The following RAPGEF5 variants were observed in gnomAD, a reference collection of about 807,000 sequenced individuals.
RAPGEF5 encodes M-Ras-regulated GEF.
In RAPGEF5, 65 loss-of-function variants were observed where a neutral mutation model predicts 125.2. The observed-to-expected ratio is 0.52, with a 90% CI of 0.43 to 0.64. The LOEUF (loss-of-function observed/expected upper bound fraction) is 0.64. Ranked by LOEUF, RAPGEF5 falls within the 30% of genes least tolerant of loss-of-function variation. RAPGEF5 has a pLI of 0.00. For synonymous variants in RAPGEF5, 391 were observed against 385.9 expected, an observed-to-expected ratio of 1.01 and a Z score of -0.16; for missense variants, 958 against 1,048.1, an observed-to-expected ratio of 0.91 and a Z score of 1.19.
rs1784042387 is a variant in RAPGEF5, at chr7:22,162,624, G to A, written c.1284-83C>T. 3 of 1,296,686 alleles carry A rather than the reference G, an allele frequency of 2.3e-6. No homozygotes were observed. In the East Asian group the frequency reaches 7.4e-5, roughly 32 times the overall value. 80.3% of individuals were successfully genotyped at this position (1,296,686 alleles called of 1,614,324 possible). On this transcript the variant is annotated intron_variant, in intron 12 of 25. Coordinates refer to ENST00000665637, the MANE Select transcript of RAPGEF5 (RefSeq NM_012294.5). ...ATTTACTCTTATTTTTACAAAATAT[G>A]TGAAGGCATACAAGTGTATAAACAT...
chr7:22,251,978 T>C (rs1417752431), intron 7 of RAPGEF5, among the ~76,000 whole-genome samples: 1 of 152,146 alleles, frequency 6.6e-6, no homozygotes, highest in East Asian at 1.9e-4. Flanking sequence ...ATTGGATTTA[T>C]GCACAGGGTA....
chr7:22,143,187 T>C (rs893551450), intron 20 of RAPGEF5, among the ~76,000 whole-genome samples: 1 of 152,262 alleles, frequency 6.6e-6, no homozygotes, highest in Non-Finnish European at 1.5e-5. Context: ...TGGAACACAA[T>C]GGCCAAATTT....
At chr7:22,185,255 A>C (rs1428058286) in intron 11 of RAPGEF5, among the ~76,000 whole-genome samples, 1 of 152,220 alleles carries the variant, frequency 6.6e-6, no homozygotes, top group Non-Finnish European at 1.5e-5. Context: ...TTCTATGTCC[A>C]TTAAATGGGG....
At position 22,167,246 on chromosome 7, in the gene RAPGEF5, A is replaced by G. The variant is rs1200048772; in HGVS notation, c.1205-98T>C. 1.4e-5 allele frequency: 12 copies of G among 833,064 alleles called. No individual in the cohort carries two copies. The African/African-American group carries it at 2.1e-4, about 14-fold the overall frequency. 51.6% of individuals were successfully genotyped at this position (833,064 alleles called of 1,614,324 possible). On this transcript the variant is annotated intron_variant, in intron 11 of 25. Transcript: ENST00000665637. Reference sequence around the variant, plus strand: ...CCAGAACCATGTGCATGGCAGAAATATGATAAATATTGATAGCTGTGGGAG... The same window carrying G: ...CCAGAACCATGTGCATGGCAGAAATGTGATAAATATTGATAGCTGTGGGAG...
intron 8 of RAPGEF5, among the ~76,000 whole-genome samples, chr7:22,223,895 A>C (rs1267140127): frequency 6.6e-6 from 1 of 152,238 alleles, no homozygotes; most frequent in Non-Finnish European, 1.5e-5. Context: ...CTTAGGTTAC[A>C]AGCACTGGCA....
chr7:22,309,150 C>T (rs1783413001), intron 4 of RAPGEF5, among the ~76,000 whole-genome samples: 1 of 152,184 alleles, frequency 6.6e-6, no homozygotes, highest in Non-Finnish European at 1.5e-5. Flanking sequence ...GGTATTAGTA[C>T]AAAATGTTTT....
chr7:22,136,807 ATACAAG>A, intron 22 of RAPGEF5, 120 bp downstream of exon 22: 1 of 780,110 alleles, frequency 1.3e-6, no homozygotes, highest in Non-Finnish European at 2.1e-6. Context: ...ACAGTTTCAT[ATACAAG>A]TAAACTAGTC....
At chr7:22,250,958 T>G (rs1786603715) in intron 7 of RAPGEF5, among the ~76,000 whole-genome samples, 1 of 152,122 alleles carries the variant, frequency 6.6e-6, no homozygotes, top group South Asian at 2.1e-4. Flanking sequence ...AGGAGTCAAA[T>G]TTCCTGGCCA....
chr7:22,264,389 CAAAT>C (rs961594921), intron 7 of RAPGEF5, among the ~76,000 whole-genome samples: 18 of 152,280 alleles, frequency 1.2e-4, no homozygotes, highest in East Asian at 9.6e-4. Flanking sequence ...CTCCATTGAT[CAAAT>C]AAGTAAGGAA....
At chr7:22,157,060 G>A (rs1783833879) in intron 15 of RAPGEF5, among the ~76,000 whole-genome samples, 172 bp from the exon 16 acceptor site, 1 of 152,144 alleles carries the variant, frequency 6.6e-6, no homozygotes, top group Non-Finnish European at 1.5e-5. Context: ...TGCAAGTGGT[G>A]GTGGAGATTC....
At chr7:22,156,998 G>T in intron 15 of RAPGEF5, 110 bp from the exon 16 acceptor site, 3 of 1,477,340 alleles carry the variant, frequency 2.0e-6, no homozygotes, top group Middle Eastern at 3.9e-4. Flanking sequence ...TTTTTAATAT[G>T]AAATCCACCC....
intron 1 of RAPGEF5, among the ~76,000 whole-genome samples, chr7:22,326,925 G>A (rs898777180): frequency 5.9e-5 from 9 of 152,140 alleles, no homozygotes; most frequent in Non-Finnish European, 8.8e-5. Context: ...TGCAGGTAAT[G>A]GATAGGTTCG....
intron 9 of RAPGEF5, among the ~76,000 whole-genome samples, chr7:22,214,240 T>C (rs961963634): frequency 2.0e-5 from 3 of 151,936 alleles, no homozygotes; most frequent in African/African-American, 7.3e-5. Flanking sequence ...TTCCCACCCA[T>C]CCATATTTCA....
At chr7:22,194,915 TCTC>T (rs1424000233) in intron 9 of RAPGEF5, among the ~76,000 whole-genome samples, 1 of 152,154 alleles carries the variant, frequency 6.6e-6, no homozygotes, top group Non-Finnish European at 1.5e-5. Flanking sequence ...AGTGTGAAAT[TCTC>T]CTGATGTGCA....
At chr7:22,246,063 C>A (rs894187157) in intron 7 of RAPGEF5, among the ~76,000 whole-genome samples, 1 of 152,014 alleles carries the variant, frequency 6.6e-6, no homozygotes, top group African/African-American at 2.4e-5. Flanking sequence ...CAGAACACTG[C>A]TGAAAGAAAT....
chr7:22,314,768 T>G, intron 3 of RAPGEF5: 22 of 363,974 alleles, frequency 6.0e-5, no homozygotes, highest in Non-Finnish European at 7.6e-5. Flanking sequence ...TTTTGGTTTT[T>G]TCTTTAAATT....
At chr7:22,164,901 A>T (rs779444247) in intron 12 of RAPGEF5, among the ~76,000 whole-genome samples, 1 of 152,218 alleles carries the variant, frequency 6.6e-6, no homozygotes, top group East Asian at 1.9e-4. Context: ...AAATAGCTTT[A>T]ATCTATAAAT....
At chr7:22,184,658 TG>T (rs1484517788) in intron 11 of RAPGEF5, among the ~76,000 whole-genome samples, 8 of 152,206 alleles carry the variant, frequency 5.3e-5, no homozygotes, top group Admixed American at 3.3e-4. Context: ...AATCAGTGTA[TG>T]TTAATGATCT....
chr7:22,196,090 A>C (rs1318729658), intron 9 of RAPGEF5, among the ~76,000 whole-genome samples: 1 of 152,242 alleles, frequency 6.6e-6, no homozygotes. Flanking sequence ...TACTATCAAT[A>C]GCATCTATGT....
Sources: gnomAD v4.1 joint callset for allele counts (sites outside exome capture counted in the v4.1 genomes callset) on GRCh38, gnomAD v4.1.1 for gene constraint, MANE v1.5 for transcripts, NCBI Gene and HGNC (gene_info 2026-07-23, HGNC 2026-07-21) for gene names.